DMD: variants seen among roughly 807,000 people sequenced by gnomAD.
DMD encodes the protein mutant dystrophin.
In DMD, 63 loss-of-function variants were observed where a neutral mutation model predicts 330.1. The observed-to-expected ratio is 0.19, with a 90% confidence interval of 0.16 to 0.24. DMD has a LOEUF of 0.24. Among genes scored for constraint, DMD ranks in the 10% least tolerant of loss-of-function variants. The pLI, the probability that DMD is intolerant of heterozygous loss-of-function variation, is 1.00. For synonymous variants in DMD, 1,223 were observed against 959.8 expected (o/e 1.27, Z -5.07); for missense variants, 3,344 against 2,684.1 (o/e 1.25, Z -5.43).
At chrX:32,248,628 C>T (rs935959394) in intron 43 of DMD, among the ~76,000 whole-genome samples, 5 of 109,179 alleles carry the variant, frequency 4.6e-5, no homozygotes, top group African/African-American at 1.7e-4. Flanking sequence ...AAGTAATTAA[C>T]TCATTGCAAA....
At chrX:33,039,310 C>T (rs1351821563) in intron 1 of DMD, among the ~76,000 whole-genome samples, 1 of 111,048 alleles carries the variant, frequency 9.0e-6, no homozygotes, top group Non-Finnish European at 1.9e-5. Context: ...TCAGTCAATA[C>T]CACACTCCTT....
At chrX:33,104,560 T>C (rs919194695) in intron 1 of DMD, among the ~76,000 whole-genome samples, 55 of 107,218 alleles carry the variant, frequency 5.1e-4, no homozygotes, top group Non-Finnish European at 9.0e-4. Flanking sequence ...TTTTCCTTTA[T>C]CTACCCAAAT....
chrX:31,674,679 T>C (rs5972431), intron 53 of DMD, among the ~76,000 whole-genome samples: 19,888 of 111,092 alleles, frequency 0.18, 1,421 homozygotes, highest in East Asian at 0.4. Context: ...GGGGAAAAAA[T>C]AAATGAAAAC....
At chrX:32,453,373 T>A (rs2098341733) in intron 26 of DMD, among the ~76,000 whole-genome samples, 1 of 110,724 alleles carries the variant, frequency 9.0e-6, no homozygotes, top group South Asian at 3.7e-4. Context: ...TACTAATTTT[T>A]TCTTCATTAT....
intron 48 of DMD, among the ~76,000 whole-genome samples, chrX:31,843,394 T>C (rs986089450): frequency 1.8e-5 from 2 of 111,873 alleles, no homozygotes; most frequent in African/African-American, 6.5e-5. Flanking sequence ...TTTGAGTTTT[T>C]GATAATAGGC....
rs748131513 is a variant in DMD, at chrX:32,304,171, G to A, written c.6117+5911C>T. Among the ~76,000 whole-genome samples the A allele has an allele frequency of 1.2e-4, 13 of 111,243 alleles. No individual in the cohort carries two copies. The South Asian group carries it at 4.8e-3, about 41-fold the overall frequency. On this transcript the variant is annotated intron_variant, in intron 42 of 78. Transcript: ENST00000357033. ...CGACATTATAACTGGTCGAAGCACA[G>A]CTTCAACCGTTTGTGAATAAAAGGA...
chrX:32,813,628 A>G (rs902139145), intron 6 of DMD, among the ~76,000 whole-genome samples: 13 of 111,791 alleles, frequency 1.2e-4, no homozygotes, highest in Non-Finnish European at 2.4e-4. Context: ...AAGAAGAGTG[A>G]TGTATTTTCA....
At chrX:31,950,268 T>C (rs962726078) in intron 45 of DMD, among the ~76,000 whole-genome samples, 1 of 111,754 alleles carries the variant, frequency 8.9e-6, no homozygotes, top group East Asian at 2.8e-4. Context: ...GATTTAGAAG[T>C]TGTTGAATTT....
intron 15 of DMD, among the ~76,000 whole-genome samples, chrX:32,572,332 A>G (rs1603636690): frequency 8.9e-6 from 1 of 111,763 alleles, no homozygotes; most frequent in Non-Finnish European, 1.9e-5. Context: ...TTGCATTATT[A>G]TGAAGTACAA....
intron 9 of DMD, among the ~76,000 whole-genome samples, chrX:32,683,624 C>A (rs2062606684): frequency 1.3e-5 from 1 of 79,953 alleles, no homozygotes; most frequent in African/African-American, 5.2e-5. Flanking sequence ...AGGGGAACAT[C>A]ACACACTGGG....
At chrX:33,092,619 C>T in intron 1 of DMD, among the ~76,000 whole-genome samples, 1 of 111,199 alleles carries the variant, frequency 9.0e-6, no homozygotes, top group East Asian at 2.8e-4. Context: ...AGCCAACACC[C>T]TTAATCCAAG....
At chrX:31,504,657 T>C (rs2070752603) in intron 56 of DMD, among the ~76,000 whole-genome samples, 3 of 111,972 alleles carry the variant, frequency 2.7e-5, no homozygotes, top group Admixed American at 9.5e-5. Flanking sequence ...TTCTATTCTA[T>C]TTCATAATCA....
chrX:32,822,233 A>T (rs2078318566), intron 5 of DMD, among the ~76,000 whole-genome samples: 2 of 111,299 alleles, frequency 1.8e-5, no homozygotes, highest in South Asian at 3.7e-4. Flanking sequence ...CTTAATCGTG[A>T]TAAGAAATAC....
chrX:32,993,967 T>C (rs764324941), intron 2 of DMD, among the ~76,000 whole-genome samples: 2 of 111,226 alleles, frequency 1.8e-5, no homozygotes, highest in African/African-American at 3.3e-5. Context: ...CCTGTGTATT[T>C]TTATGCTAAA....
At chrX:32,311,292 A>G (rs2097561471) in intron 41 of DMD, among the ~76,000 whole-genome samples, 2 of 111,146 alleles carry the variant, frequency 1.8e-5, no homozygotes, top group African/African-American at 6.5e-5. Flanking sequence ...TAACGTAGCC[A>G]TTTATTACTG....
intron 2 of DMD, among the ~76,000 whole-genome samples, chrX:32,895,872 T>A (rs866634352): frequency 3.1e-5 from 3 of 97,380 alleles, no homozygotes; most frequent in South Asian, 4.9e-4. Flanking sequence ...TGTGTGTGTG[T>A]GTGTAGTGTA....
intron 22 of DMD, 25 bp downstream of exon 22, chrX:32,472,138 GT>G: frequency 8.3e-7 from 1 of 1,206,012 alleles, no homozygotes; most frequent in African/African-American, 1.7e-5. Flanking sequence ...GTGCTTTATT[GT>G]TTTGACATTC....
chrX:32,492,488 G>T (rs2043104821), intron 19 of DMD, among the ~76,000 whole-genome samples: 1 of 112,252 alleles, frequency 8.9e-6, no homozygotes, highest in South Asian at 3.6e-4. Flanking sequence ...TTTATCAAGG[G>T]AAAAATGGAA....
intron 7 of DMD, among the ~76,000 whole-genome samples, chrX:32,740,891 A>G (rs1603334012): frequency 1.8e-5 from 2 of 111,509 alleles, no homozygotes; most frequent in Admixed American, 1.9e-4. Flanking sequence ...TACAGTAAGT[A>G]AATATATACT....
Sources: gnomAD v4.1 joint callset for allele counts (sites outside exome capture counted in the v4.1 genomes callset) on GRCh38, gnomAD v4.1.1 for gene constraint, MANE v1.5 for transcripts, NCBI Gene and HGNC (gene_info 2026-07-23, HGNC 2026-07-21) for gene names.